EYS: variants seen among roughly 807,000 people sequenced by gnomAD.
EYS encodes the protein EGF-like photoreceptor maintenance factor.
In EYS, 250 loss-of-function variants were observed where a neutral mutation model predicts 282.1. The ratio of observed to expected loss-of-function variants is 0.89; its 90% confidence interval spans 0.80 to 0.98. The LOEUF is 0.98. Among genes scored for constraint, EYS ranks in the 50% least tolerant of loss-of-function variants. The probability of loss-of-function intolerance (pLI) is 0.00; values close to 1 mark genes in which losing one functional copy is unlikely to be tolerated. For missense variants in EYS, 4,016 were observed against 3,709.0 expected, an observed-to-expected ratio of 1.08 and a Z score of -2.15; for synonymous variants, 1,355 against 1,282.9, an observed-to-expected ratio of 1.06 and a Z score of -1.20.
chr6:64,935,228 A>G (rs1768868662), intron 15 of EYS, among the ~76,000 whole-genome samples: 1 of 151,746 alleles, frequency 6.6e-6, no homozygotes, highest in Non-Finnish European at 1.5e-5. Context: ...TAATGGAAGA[A>G]GGCAGCAGCA....
At chr6:64,998,158 A>G (rs1583378136) in intron 13 of EYS, among the ~76,000 whole-genome samples, 1 of 152,224 alleles carries the variant, frequency 6.6e-6, no homozygotes, top group East Asian at 1.9e-4. Context: ...GTGATCTCAA[A>G]GTTGATAATG....
chr6:64,776,265 C>T (rs1441907280), intron 22 of EYS, among the ~76,000 whole-genome samples: 1 of 151,958 alleles, frequency 6.6e-6, no homozygotes, highest in African/African-American at 2.4e-5. Context: ...TATGCTTTTC[C>T]TATTTCCCTG....
chr6:65,309,878 A>G (rs896077454), intron 11 of EYS, among the ~76,000 whole-genome samples: 9 of 152,220 alleles, frequency 5.9e-5, no homozygotes, highest in Non-Finnish European at 1.3e-4. Context: ...CAAGGCCCCA[A>G]CATCTATTGC....
rs183872098 is a variant in EYS, at chr6:64,557,627, A to C, written c.5644+32596T>G. ...TAATCACCTTCATAAAATAAACCACAGTGATATATGGACAAATATAAAAAT... is the reference window on the plus strand; with the variant it reads ...TAATCACCTTCATAAAATAAACCACCGTGATATATGGACAAATATAAAAAT... On this transcript the variant is annotated intron_variant, in intron 26 of 42. Transcript: ENST00000503581. Among the ~76,000 whole-genome samples the C allele has an allele frequency of 4.4e-4, 67 of 152,184 alleles. 1 individual carries two copies. In the East Asian group the frequency reaches 0.013, roughly 29 times the overall value.
intron 33 of EYS, among the ~76,000 whole-genome samples, chr6:64,015,907 G>C (rs6928816): frequency 0.041 from 6,282 of 152,274 alleles, 440 homozygotes; most frequent in African/African-American, 0.14. Flanking sequence ...ACACAAGCTG[G>C]GACTTCTTGG....
intron 30 of EYS, among the ~76,000 whole-genome samples, chr6:64,269,128 A>G (rs1351897474): frequency 6.6e-6 from 1 of 152,124 alleles, no homozygotes. Flanking sequence ...TCTACCAACT[A>G]GGCTATGACA....
intron 8 of EYS, among the ~76,000 whole-genome samples, chr6:65,380,371 A>G (rs1765564065): frequency 6.6e-6 from 1 of 152,160 alleles, no homozygotes; most frequent in African/African-American, 2.4e-5. Flanking sequence ...GCAATGGGGA[A>G]AGAATTCCCT....
At chr6:64,017,886 T>C (rs921080197) in intron 33 of EYS, among the ~76,000 whole-genome samples, 1 of 152,238 alleles carries the variant, frequency 6.6e-6, no homozygotes, top group Non-Finnish European at 1.5e-5. Context: ...AGTTTCCTGA[T>C]ACATAAAGGA....
At chr6:64,759,307 G>T (rs1328207468) in intron 22 of EYS, among the ~76,000 whole-genome samples, 33 of 152,158 alleles carry the variant, frequency 2.2e-4, no homozygotes, top group Non-Finnish European at 2.9e-5. Context: ...CATGGATTTA[G>T]TGACATGATA....
At chr6:64,269,877 T>C (rs1767882680) in intron 30 of EYS, among the ~76,000 whole-genome samples, 1 of 152,058 alleles carries the variant, frequency 6.6e-6, no homozygotes, top group Non-Finnish European at 1.5e-5. Flanking sequence ...CTTTAGGACA[T>C]ATTACAACAA....
At chr6:64,211,355 CTTTT>C (rs1157493174) in intron 31 of EYS, among the ~76,000 whole-genome samples, 1 of 152,040 alleles carries the variant, frequency 6.6e-6, no homozygotes, top group East Asian at 1.9e-4. Context: ...AGAAAAATAA[CTTTT>C]TATTGGGTAT....
intron 19 of EYS, among the ~76,000 whole-genome samples, chr6:64,878,713 A>T (rs557451125): frequency 6.6e-6 from 1 of 151,866 alleles, no homozygotes; most frequent in African/African-American, 2.4e-5. Context: ...GAGTGATTTT[A>T]ATAATGAGTC....
chr6:65,607,390 C>T (rs1013490159), intron 2 of EYS, among the ~76,000 whole-genome samples: 10 of 151,774 alleles, frequency 6.6e-5, no homozygotes, highest in African/African-American at 2.4e-4. Flanking sequence ...GTTTTTTACC[C>T]TTTGTGCTCT....
At chr6:64,864,385 C>CTTTTTTTTTTTTTTGTTTTTTTTTT (rs1766349910) in intron 19 of EYS, among the ~76,000 whole-genome samples, 1 of 57,166 alleles carries the variant, frequency 1.7e-5, no homozygotes, top group Non-Finnish European at 3.6e-5. Flanking sequence ...GCTATACCTT[C>CTTTTTTTTTTTTTTGTTTTTTTTTT]TTTTTTTTTT....
intron 8 of EYS, among the ~76,000 whole-genome samples, chr6:65,379,799 C>A (rs753289544): frequency 1.6e-4 from 24 of 151,772 alleles, no homozygotes; most frequent in Non-Finnish European, 3.1e-4. Context: ...GTGCAAAAAT[C>A]ACAAGCATTC....
chr6:65,146,256 C>G (rs1042863267), intron 12 of EYS, among the ~76,000 whole-genome samples: 2 of 99,754 alleles, frequency 2.0e-5, no homozygotes, highest in African/African-American at 6.3e-5. Context: ...CCCCCAAGGC[C>G]AAAGTTCAAA....
intron 12 of EYS, among the ~76,000 whole-genome samples, chr6:65,064,808 C>T (rs936935268): frequency 4.6e-5 from 7 of 151,814 alleles, no homozygotes; most frequent in East Asian, 3.9e-4. Context: ...AATCTAGAAA[C>T]GTTATAGATC....
chr6:64,140,009 A>G (rs929501908), intron 31 of EYS, among the ~76,000 whole-genome samples: 1 of 143,144 alleles, frequency 7.0e-6, no homozygotes, highest in East Asian at 2.0e-4. Flanking sequence ...AAATAAATAA[A>G]TAGGATAATG....
At chr6:65,631,479 A>G (rs1766909213) in intron 2 of EYS, among the ~76,000 whole-genome samples, 1 of 151,908 alleles carries the variant, frequency 6.6e-6, no homozygotes, top group African/African-American at 2.4e-5. Flanking sequence ...TGAATGGAAA[A>G]AAAAAAAAAA....
Sources: allele counts gnomAD v4.1 joint callset (sites outside exome capture counted in the v4.1 genomes callset), GRCh38; gene constraint gnomAD v4.1.1; transcripts MANE v1.5; gene names NCBI Gene and HGNC (gene_info 2026-07-23, HGNC 2026-07-21).